Variants in THSD7B observed in about 807,000 individuals in gnomAD.
THSD7B encodes the protein thrombospondin type 1 domain containing 7B, also known as thrombospondin type-1 domain-containing protein 7B.
Under a neutral mutation model 213.6 loss-of-function variants are expected in THSD7B, and 138 were observed. That is an observed-to-expected ratio of 0.65 (90% CI 0.56 to 0.74). THSD7B has a LOEUF of 0.74. THSD7B is among the 30% of genes least tolerant of loss of function. The pLI is 0.00. For missense variants in THSD7B, 1,931 were observed against 1,991.5 expected, an observed-to-expected ratio of 0.97 and a Z score of 0.58; for synonymous variants, 742 against 687.0, an observed-to-expected ratio of 1.08 and a Z score of -1.25.
chr2:137,286,101 A>T (rs192598286), intron 12 of THSD7B, among the ~76,000 whole-genome samples: 2 of 151,886 alleles, frequency 1.3e-5, no homozygotes, highest in Admixed American at 1.3e-4. Context: ...TCTGTCTAAA[A>T]AAAAAAAAAA....
intron 17 of THSD7B, among the ~76,000 whole-genome samples, chr2:137,593,598 C>T (rs1681904972): frequency 6.6e-6 from 1 of 151,792 alleles, no homozygotes; most frequent in Non-Finnish European, 1.5e-5. Context: ...GTTGAAGTCA[C>T]ATGCCTATTT....
intron 15 of THSD7B, among the ~76,000 whole-genome samples, chr2:137,537,852 A>G (rs1462181150): frequency 6.6e-6 from 1 of 151,752 alleles, no homozygotes; most frequent in Non-Finnish European, 1.5e-5. Flanking sequence ...TGAGACTACA[A>G]TATTTAAAAA....
chr2:137,552,110 T>G (rs1471750702), intron 15 of THSD7B, among the ~76,000 whole-genome samples: 1 of 152,206 alleles, frequency 6.6e-6, no homozygotes, highest in South Asian at 2.1e-4. Flanking sequence ...GCTTTAAACA[T>G]GAAAGGTAGT....
In THSD7B at chr2:137,521,234, T is replaced by C. The variant is rs1393081072; in HGVS notation, c.3139-41987T>C. ...TTCTATAGTCCTTACTTAATAGGTA[T>C]GTTATCTCAATTCGTTTTCACAGCA... On this transcript the variant is annotated intron_variant, in intron 15 of 27. Transcript: ENST00000409968. 6.6e-5 allele frequency among the ~76,000 whole-genome samples: 10 copies of C among 152,168 alleles called. 1 individual carries two copies.
chr2:137,132,155 G>A (rs540118103), intron 5 of THSD7B, among the ~76,000 whole-genome samples: 1 of 150,632 alleles, frequency 6.6e-6, no homozygotes, highest in African/African-American at 2.4e-5. Context: ...GTGAATGGCA[G>A]TTCACTCATG....
chr2:137,439,382 T>C (rs1401559740), intron 14 of THSD7B, among the ~76,000 whole-genome samples: 1 of 152,102 alleles, frequency 6.6e-6, no homozygotes, highest in Non-Finnish European at 1.5e-5. Flanking sequence ...TTAGAAGATT[T>C]CTGGCTATTT....
At chr2:137,582,348 T>C (rs1681599350) in intron 17 of THSD7B, among the ~76,000 whole-genome samples, 1 of 152,168 alleles carries the variant, frequency 6.6e-6, no homozygotes, top group Admixed American at 6.5e-5. Flanking sequence ...TTTGACTTTT[T>C]TATTATTATA....
chr2:136,847,885 C>T (rs889213473), intron 1 of THSD7B, among the ~76,000 whole-genome samples: 1 of 152,136 alleles, frequency 6.6e-6, no homozygotes, highest in African/African-American at 2.4e-5. Flanking sequence ...AATTCTAAAA[C>T]CATGCAGCCC....
chr2:137,487,166 A>G (rs1319662828), intron 15 of THSD7B, among the ~76,000 whole-genome samples: 25 of 148,934 alleles, frequency 1.7e-4, no homozygotes, highest in Non-Finnish European at 3.0e-4. Flanking sequence ...CAGGAGATTG[A>G]GACCATCCTG....
intron 12 of THSD7B, among the ~76,000 whole-genome samples, chr2:137,286,163 A>G (rs1006366244): frequency 3.3e-5 from 5 of 151,962 alleles, no homozygotes; most frequent in Middle Eastern, 3.2e-3. Flanking sequence ...ATATATTTAT[A>G]TAAAACAAAG....
intron 7 of THSD7B, among the ~76,000 whole-genome samples, chr2:137,225,660 G>A (rs528528191): frequency 6.6e-6 from 1 of 152,242 alleles, no homozygotes; most frequent in South Asian, 2.1e-4. Flanking sequence ...TGCATGTGAT[G>A]TGGTTAGCTA....
chr2:137,517,729 G>C (rs375237329), intron 15 of THSD7B, among the ~76,000 whole-genome samples: 34 of 152,170 alleles, frequency 2.2e-4, no homozygotes, highest in African/African-American at 7.5e-4. Flanking sequence ...ATCCAATGGT[G>C]CTGGAGGTAT....
At chr2:136,779,196 ATATGTGTGTGTGTGTG>A (rs1320165433) in intron 1 of THSD7B, among the ~76,000 whole-genome samples, 11 of 134,370 alleles carry the variant, frequency 8.2e-5, no homozygotes, top group African/African-American at 1.1e-4. Flanking sequence ...CTATATATAT[ATATGTGTGTGTGTGTG>A]TGTGTGTGTG....
At chr2:137,105,033 A>T (rs1356615556) in intron 4 of THSD7B, among the ~76,000 whole-genome samples, 1 of 152,238 alleles carries the variant, frequency 6.6e-6, no homozygotes, top group Non-Finnish European at 1.5e-5. Context: ...ATAGAAAAAG[A>T]GGGAATCCTC....
chr2:137,617,315 T>C (rs906472983), intron 18 of THSD7B, among the ~76,000 whole-genome samples: 11 of 152,200 alleles, frequency 7.2e-5, no homozygotes, highest in Non-Finnish European at 1.5e-4. Flanking sequence ...TCTACCAATA[T>C]GGAAAATTTC....
intron 2 of THSD7B, among the ~76,000 whole-genome samples, chr2:137,047,190 G>A (rs892421383): frequency 3.3e-5 from 5 of 152,184 alleles, no homozygotes; most frequent in Non-Finnish European, 1.5e-5. Context: ...TCTGCGCCAA[G>A]GTTGCAGGTG....
At chr2:137,464,790 G>A (rs890302088) in intron 15 of THSD7B, among the ~76,000 whole-genome samples, 20 of 152,020 alleles carry the variant, frequency 1.3e-4, no homozygotes, top group Admixed American at 1.1e-3. Flanking sequence ...AGGATAGTGT[G>A]TGGTCTATGC....
intron 1 of THSD7B, among the ~76,000 whole-genome samples, chr2:136,773,719 C>T (rs1027827485): frequency 5.9e-5 from 9 of 152,008 alleles, no homozygotes; most frequent in Non-Finnish European, 1.0e-4. Context: ...GTACTATTAA[C>T]GACTCTACCC....
rs780774101 is a variant in THSD7B, at chr2:137,450,992, G to A, written c.3107G>A (p.Arg1036Gln). 16 of 1,605,922 alleles carry A rather than the reference G, an allele frequency of 1.0e-5. No individual in the cohort carries two copies. Among genetic ancestry groups the A allele is most frequent in the African/African-American group, 2.7e-5 (2 of 74,704 alleles). ...AAAGAAAAACCTTACAATGGAGGACGACCATGTCCCAAACTGGATCTCAAG... is the reference window on the plus strand; with the variant it reads ...AAAGAAAAACCTTACAATGGAGGACAACCATGTCCCAAACTGGATCTCAAG... ...WLKEKPYNGG[R>Q]PCPKLDLKNQ... The change falls in exon 15 of 28, where the codon CGA (arginine) becomes CAA (glutamine). Residue 1036 changes from arginine to glutamine, a missense_variant. Coordinates refer to ENST00000409968, the MANE Select transcript of THSD7B (RefSeq NM_001316349.2).
Sources: gnomAD v4.1 joint callset for allele counts (sites outside exome capture counted in the v4.1 genomes callset) on GRCh38, gnomAD v4.1.1 for gene constraint, MANE v1.5 for transcripts, NCBI Gene and HGNC (gene_info 2026-07-23, HGNC 2026-07-21) for gene names.